PCBP2: variants seen among roughly 807,000 people sequenced by gnomAD.
The protein encoded by PCBP2 is poly(rC) binding protein 2.
Under a neutral mutation model 50.1 loss-of-function variants are expected in PCBP2, and 4 were observed. The ratio of observed to expected loss-of-function variants is 0.08; its 90% CI spans 0.04 to 0.18. The LOEUF is 0.18. Among genes scored for constraint, PCBP2 ranks in the 10% least tolerant of loss-of-function variants. The probability of loss-of-function intolerance (pLI) is 1.00; values close to 1 mark genes in which losing one functional copy is unlikely to be tolerated. For missense variants in PCBP2, 161 were observed against 474.3 expected, an observed-to-expected ratio of 0.34 and a Z score of 6.14; for synonymous variants, 179 against 168.0, an observed-to-expected ratio of 1.07 and a Z score of -0.51.
intron 5 of PCBP2, among the ~76,000 whole-genome samples, chr12:53,458,445 C>T (rs147983809): frequency 0.013 from 2,010 of 151,508 alleles, 23 homozygotes; most frequent in South Asian, 0.07. Context: ...GTAGCCTGGA[C>T]TACAGGCGCA....
chr12:53,471,276 G>GT lies in PCBP2; in HGVS notation c.883-345dup, dbSNP rs869289440. ...CCTGAGCAACATAGCGAGACCCTCG[G>GT]TTTTTTTTTTTTTTTTTAAAGGGCC... is the stretch of plus-strand genomic sequence containing the variant. On this transcript the variant is annotated intron_variant, in intron 13 of 14. Coordinates refer to ENST00000546463, the MANE Select transcript of PCBP2 (RefSeq NM_031989.5). Among the ~76,000 whole-genome samples the GT allele has an allele frequency of 6.6e-3, 914 of 139,484 alleles. 1 individual carries two copies. Among genetic ancestry groups the GT allele is most frequent in the Admixed American group, 7.8e-3 (109 of 13,910 alleles). The allele number at this position is 139,484 out of a possible 152,430, so 91.5% of individuals were successfully genotyped here.
At chr12:53,477,148 G>T (rs1942641477) in intron 14 of PCBP2, among the ~76,000 whole-genome samples, 1 of 152,028 alleles carries the variant, frequency 6.6e-6, no homozygotes, top group Non-Finnish European at 1.5e-5. Flanking sequence ...CCCCATTCGG[G>T]CTTGATACAC....
rs1011857626 is a variant in PCBP2, at chr12:53,466,085, ATTAAG to A, written c.714+115_714+119del. 4.6e-6 allele frequency: 4 copies of A among 873,320 alleles called. No individual in the cohort carries two copies. In the East Asian group the frequency reaches 9.7e-5, roughly 21 times the overall value. 54.1% of individuals were successfully genotyped at this position (873,320 alleles called of 1,614,324 possible). On this transcript the variant is annotated intron_variant, in intron 10 of 14. Transcript: ENST00000546463. ...GAGTTGGGTCTTCAGCATTTGCAGTATTAAGTTGTTTTCTTCACAAGGTCAATCCC... is the reference window on the plus strand; with the variant it reads ...GAGTTGGGTCTTCAGCATTTGCAGTATTGTTTTCTTCACAAGGTCAATCCC...
intron 14 of PCBP2, among the ~76,000 whole-genome samples, chr12:53,473,191 C>G (rs921395268): frequency 2.6e-5 from 4 of 151,574 alleles, no homozygotes; most frequent in Non-Finnish European, 4.4e-5. Context: ...TCAAGTGATT[C>G]TCCTGCCTCA....
At chr12:53,477,483 G>C (rs567051304) in intron 14 of PCBP2, among the ~76,000 whole-genome samples, 4 of 151,970 alleles carry the variant, frequency 2.6e-5, no homozygotes, top group Admixed American at 2.6e-4. Context: ...GGCTAACACA[G>C]TGAAACCCCG....
chr12:53,475,054 G>GT, intron 14 of PCBP2: 1 of 456,296 alleles, frequency 2.2e-6, no homozygotes, highest in Non-Finnish European at 4.4e-6. Context: ...ACCGCCCCTT[G>GT]TGTCTCCAGT....
chr12:53,458,902 A>C (rs2137035891), intron 5 of PCBP2, among the ~76,000 whole-genome samples: 1 of 152,244 alleles, frequency 6.6e-6, no homozygotes, highest in South Asian at 2.1e-4. Context: ...AGCTTCCCAA[A>C]GTGCTGGGAT....
intron 14 of PCBP2, chr12:53,475,645 T>TA: frequency 6.0e-6 from 1 of 167,854 alleles, no homozygotes; most frequent in Non-Finnish European, 1.3e-5. Flanking sequence ...GTTGGCGCAG[T>TA]AAGAACCTTA....
chr12:53,475,010 C>T (rs1239246790), intron 14 of PCBP2: 10 of 456,488 alleles, frequency 2.2e-5, no homozygotes, highest in South Asian at 3.1e-5. Context: ...CGGGGACCTC[C>T]GACGCACCCT....
intron 8 of PCBP2, 126 bp from the exon 9 acceptor site, chr12:53,464,634 T>G: frequency 7.6e-7 from 1 of 1,320,202 alleles, no homozygotes; most frequent in East Asian, 2.7e-5. Context: ...CGTTTCAAAT[T>G]GTGTCTGAGC....
intron 6 of PCBP2, chr12:53,459,673 C>T (rs1941301237): frequency 4.0e-6 from 1 of 250,848 alleles, no homozygotes. Context: ...GGCAACTTTT[C>T]CATGAGGCTA....
intron 5 of PCBP2, among the ~76,000 whole-genome samples, chr12:53,458,981 C>T (rs1362897789): frequency 1.3e-5 from 2 of 152,148 alleles, no homozygotes; most frequent in Admixed American, 1.3e-4. Flanking sequence ...TCCCCATTGC[C>T]TGGCCAAGTG....
chr12:53,474,979 C>T (rs997426869), intron 14 of PCBP2: 2 of 456,694 alleles, frequency 4.4e-6, no homozygotes, highest in Non-Finnish European at 4.4e-6. Context: ...TCCTCCACCA[C>T]CACCCCCTCG....
In PCBP2 at chr12:53,460,742, G is replaced by C. The variant is rs1038116337; in HGVS notation, c.376-273G>C. 6 of 307,684 alleles carry C rather than the reference G, an allele frequency of 2.0e-5. No homozygotes were observed. In the Admixed American group the frequency reaches 2.8e-4, roughly 14 times the overall value. 19.1% of individuals were successfully genotyped at this position (307,684 alleles called of 1,614,324 possible). A position where few individuals can be genotyped will look rare whatever the true frequency, so the allele number is the denominator to read the frequency against. The stretch of plus-strand genomic sequence containing the variant: ...CCCAGAGAACTATCATTAGTTGAAA[G>C]GCAACTATTTAGAAGGACCTTTTGC... On this transcript the variant is annotated intron_variant, in intron 6 of 14. Coordinates refer to ENST00000546463, the MANE Select transcript of PCBP2 (RefSeq NM_031989.5).
Position 53,467,226 on chromosome 12 carries a change from C to T in PCBP2, c.720C>T (p.Thr240=). 1 of 1,612,916 alleles carries T rather than the reference C, an allele frequency of 6.2e-7. No individual in the cohort carries two copies. Among genetic ancestry groups the T allele is most frequent in the Non-Finnish European group, 8.5e-7 (1 of 1,179,056 alleles). ...GQYAIPQPDL[T]KLHQLAMQQS... ...CTCCTGTTTCCTCCTTGCAGTTGAC[C>T]AAGCTGCACCAGTTGGCAATGCAAC... The change falls in exon 11 of 15, where the codon ACC becomes ACT. Residue 240 remains threonine (T), a synonymous_variant. Transcript: ENST00000546463.
intron 13 of PCBP2, among the ~76,000 whole-genome samples, chr12:53,471,219 A>C (rs1036404817): frequency 6.6e-5 from 10 of 152,000 alleles, no homozygotes; most frequent in Admixed American, 2.6e-4. Flanking sequence ...CTGAGATTCG[A>C]AAATGGCTTA....
intron 14 of PCBP2, among the ~76,000 whole-genome samples, chr12:53,476,555 CAGTGCTGAA>C (rs900925108): frequency 6.6e-6 from 1 of 151,936 alleles, no homozygotes; most frequent in African/African-American, 2.4e-5. Context: ...CACGTTGCCA[CAGTGCTGAA>C]AGTGTAATGC....
At chr12:53,461,325 G>A (rs1941430243) in intron 7 of PCBP2, among the ~76,000 whole-genome samples, 182 bp downstream of exon 7, 1 of 152,186 alleles carries the variant, frequency 6.6e-6, no homozygotes, top group Admixed American at 6.6e-5. Context: ...TATGGTCTGT[G>A]AGCAAAAATA....
intron 1 of PCBP2, among the ~76,000 whole-genome samples, chr12:53,453,927 C>T (rs1940785430): frequency 6.6e-6 from 1 of 152,072 alleles, no homozygotes; most frequent in South Asian, 2.1e-4. Flanking sequence ...TTTAGCAATG[C>T]CAGTTTTATT....
Sources: gnomAD v4.1 joint callset for allele counts (sites outside exome capture counted in the v4.1 genomes callset) on GRCh38, gnomAD v4.1.1 for gene constraint, MANE v1.5 for transcripts, NCBI Gene and HGNC (gene_info 2026-07-23, HGNC 2026-07-21) for gene names.